The following CTNND2 variants were observed in gnomAD, a reference collection of about 807,000 sequenced individuals.
CTNND2 encodes catenin delta 2.
In CTNND2, 22 loss-of-function variants were observed where a neutral mutation model predicts 144.4. The ratio of observed to expected loss-of-function variants is 0.15; its 90% CI spans 0.11 to 0.22. The LOEUF (loss-of-function observed/expected upper bound fraction) is 0.22, where lower values mean the gene tolerates loss of function less well. CTNND2 is among the 10% of genes least tolerant of loss of function. The probability of loss-of-function intolerance (pLI) is 1.00; values close to 1 mark genes in which losing one functional copy is unlikely to be tolerated. For synonymous variants in CTNND2, 751 were observed against 695.6 expected (o/e 1.08, Z -1.25); for missense variants, 1,353 against 1,618.8 (o/e 0.84, Z 2.82).
At chr5:11,037,988 A>C (rs951266455) in intron 16 of CTNND2, among the ~76,000 whole-genome samples, 1 of 152,194 alleles carries the variant, frequency 6.6e-6, no homozygotes, top group Non-Finnish European at 1.5e-5. Context: ...ATATTTACCT[A>C]GAATCTGTCC....
At chr5:11,707,483 AC>A (rs1358618905) in intron 2 of CTNND2, among the ~76,000 whole-genome samples, 1 of 152,056 alleles carries the variant, frequency 6.6e-6, no homozygotes, top group East Asian at 1.9e-4. Flanking sequence ...CAAATTCAGG[AC>A]CCTAAATGAA....
chr5:11,278,848 A>C (rs141375952), intron 9 of CTNND2, among the ~76,000 whole-genome samples: 1 of 151,992 alleles, frequency 6.6e-6, no homozygotes, highest in Non-Finnish European at 1.5e-5. Flanking sequence ...GTTTCCTCCT[A>C]CTTCCCAGGC....
chr5:11,525,496 A>C (rs1685655451), intron 3 of CTNND2, among the ~76,000 whole-genome samples: 1 of 152,236 alleles, frequency 6.6e-6, no homozygotes, highest in Non-Finnish European at 1.5e-5. Context: ...TTTGTAAATA[A>C]GGATACATAA....
chr5:11,811,426 A>C (rs745716304), intron 1 of CTNND2, among the ~76,000 whole-genome samples: 1 of 152,220 alleles, frequency 6.6e-6, no homozygotes, highest in Non-Finnish European at 1.5e-5. Context: ...ATTCCACATG[A>C]GATTTCTTTA....
intron 11 of CTNND2, among the ~76,000 whole-genome samples, chr5:11,176,399 C>T (rs1760483682): frequency 6.6e-6 from 1 of 152,006 alleles, no homozygotes; most frequent in African/African-American, 2.4e-5. Flanking sequence ...ATGTAGCCAC[C>T]GACATGTTCA....
chr5:11,479,391 A>G (rs570174123), intron 3 of CTNND2, among the ~76,000 whole-genome samples: 7 of 152,270 alleles, frequency 4.6e-5, no homozygotes, highest in African/African-American at 1.4e-4. Context: ...TATTTATCCA[A>G]TGTACCTTTG....
At chr5:11,598,139 C>T (rs764503659) in intron 2 of CTNND2, among the ~76,000 whole-genome samples, 10 of 151,460 alleles carry the variant, frequency 6.6e-5, no homozygotes, top group Non-Finnish European at 1.2e-4. Flanking sequence ...GAAACAGATT[C>T]AGAGAGGTTA....
intron 12 of CTNND2, among the ~76,000 whole-genome samples, chr5:11,146,631 C>T (rs572543857): frequency 4.6e-5 from 7 of 152,280 alleles, no homozygotes; most frequent in Non-Finnish European, 7.3e-5. Flanking sequence ...GATTTCTTAA[C>T]GGTGCTGATA....
At chr5:11,374,880 G>C (rs993751308) in intron 7 of CTNND2, among the ~76,000 whole-genome samples, 9 of 147,174 alleles carry the variant, frequency 6.1e-5, no homozygotes, top group South Asian at 4.4e-4. Flanking sequence ...GCTTTCCAGA[G>C]TGCTGACTGC....
intron 2 of CTNND2, among the ~76,000 whole-genome samples, chr5:11,703,717 C>T (rs926327514): frequency 6.6e-6 from 1 of 152,100 alleles, no homozygotes; most frequent in African/African-American, 2.4e-5. Flanking sequence ...GACTTTCAGT[C>T]TTTTGGGTCT....
At chr5:11,490,331 T>A (rs942411571) in intron 3 of CTNND2, among the ~76,000 whole-genome samples, 5 of 152,244 alleles carry the variant, frequency 3.3e-5, no homozygotes, top group Non-Finnish European at 7.3e-5. Context: ...CTTTATCCTT[T>A]ATGTGCTATT....
chr5:11,565,527 C>T (rs1359198652), intron 2 of CTNND2, among the ~76,000 whole-genome samples: 1 of 152,174 alleles, frequency 6.6e-6, no homozygotes, highest in Non-Finnish European at 1.5e-5. Context: ...CTTCATATTA[C>T]TTATATATTG....
intron 6 of CTNND2, among the ~76,000 whole-genome samples, chr5:11,395,478 A>G (rs1209274761): frequency 6.6e-6 from 1 of 152,214 alleles, no homozygotes; most frequent in Non-Finnish European, 1.5e-5. Context: ...CCTCAAACTT[A>G]AGTTATATCT....
chr5:11,548,489 C>A (rs1472731027), intron 3 of CTNND2, among the ~76,000 whole-genome samples: 1 of 152,136 alleles, frequency 6.6e-6, no homozygotes, highest in East Asian at 1.9e-4. Context: ...ATTTGTATAG[C>A]AAAATCTCAA....
At chr5:11,390,327 A>T (rs2149807312) in intron 6 of CTNND2, among the ~76,000 whole-genome samples, 1 of 152,306 alleles carries the variant, frequency 6.6e-6, no homozygotes, top group Middle Eastern at 3.4e-3. Context: ...TTGCTTCCAG[A>T]TTCTTTCACG....
chr5:11,371,297 T>C (rs1421396441), intron 7 of CTNND2, among the ~76,000 whole-genome samples: 11 of 152,246 alleles, frequency 7.2e-5, no homozygotes, highest in Non-Finnish European at 1.5e-4. Context: ...AAAGGTGATA[T>C]CAGCATATAA....
At chr5:11,676,065 G>T (rs1263013909) in intron 2 of CTNND2, among the ~76,000 whole-genome samples, 1 of 151,802 alleles carries the variant, frequency 6.6e-6, no homozygotes, top group Non-Finnish European at 1.5e-5. Flanking sequence ...CCCAGTAGGG[G>T]CCAACAGATA....
At chr5:11,436,032 G>A (rs1236520955) in intron 3 of CTNND2, among the ~76,000 whole-genome samples, 5 of 151,834 alleles carry the variant, frequency 3.3e-5, no homozygotes, top group African/African-American at 1.2e-4. Context: ...ACGACGGCAG[G>A]GCAGAGTTAG....
chr5:11,348,074 G>A (rs1196088368), intron 8 of CTNND2, among the ~76,000 whole-genome samples: 1 of 152,062 alleles, frequency 6.6e-6, no homozygotes, highest in African/African-American at 2.4e-5. Flanking sequence ...ATATTTAAGA[G>A]AAACTTTATA....
Sources: gnomAD v4.1 joint callset for allele counts (sites outside exome capture counted in the v4.1 genomes callset) on GRCh38, gnomAD v4.1.1 for gene constraint, MANE v1.5 for transcripts, NCBI Gene and HGNC (gene_info 2026-07-23, HGNC 2026-07-21) for gene names.